ZNF131: variants seen among roughly 807,000 people sequenced by gnomAD.
ZNF131 encodes the protein zinc finger and BTB domain containing 35, also known as zinc finger protein 131.
A neutral mutation model predicts 60.0 loss-of-function variants in ZNF131; 7 were observed. The ratio of observed to expected loss-of-function variants is 0.12; its 90% CI spans 0.07 to 0.22. The LOEUF (loss-of-function observed/expected upper bound fraction) is 0.22. ZNF131 is among the 10% of genes least tolerant of loss of function. ZNF131 has a pLI of 1.00. For synonymous variants in ZNF131, 257 were observed against 253.2 expected, an observed-to-expected ratio of 1.01 and a Z score of -0.14; for missense variants, 493 against 740.9, an observed-to-expected ratio of 0.67 and a Z score of 3.88.
At chr5:43,121,358 G>A (rs182203142) in intron 1 of ZNF131, 1 of 152,976 alleles carries the variant, frequency 6.5e-6, no homozygotes, top group Non-Finnish European at 1.5e-5. Context: ...CCGCTGCCCG[G>A]TTTCTTCTCA....
At position 43,161,957 on chromosome 5, in the gene ZNF131, T is replaced by A. The variant is rs745694713; in HGVS notation, c.1054+26T>A. The A allele has an allele frequency of 5.9e-6, 9 of 1,526,880 alleles. No homozygotes were observed. In the Admixed American group the frequency reaches 9.0e-5, roughly 15 times the overall value. The allele number at this position is 1,526,880 out of a possible 1,614,324, so 94.6% of individuals were successfully genotyped here. A position where few individuals can be genotyped will look rare whatever the true frequency, so the allele number is the denominator to read the frequency against. ...GTAATGAGCAAATACTTTGTTAAAA[T>A]TTTTTTTTCCCACATGCACTTCAAA... On this transcript the variant is annotated intron_variant, in intron 5 of 6. Coordinates refer to ENST00000682664, the MANE Select transcript of ZNF131 (RefSeq NM_001330707.2).
chr5:43,156,713 C>T (rs748198670), intron 4 of ZNF131, among the ~76,000 whole-genome samples: 1 of 152,106 alleles, frequency 6.6e-6, no homozygotes, highest in Non-Finnish European at 1.5e-5. Flanking sequence ...TTTGACTTGA[C>T]TCAGGTTTGA....
rs1200012975 is a variant in ZNF131 at position 43,174,775 on chromosome 5, A to C, written c.1514A>C (p.Asp505Ala). 1 of 1,614,234 alleles carries C rather than the reference A, an allele frequency of 6.2e-7. No individual in the cohort carries two copies. Among genetic ancestry groups the C allele is most frequent in the Non-Finnish European group, 8.5e-7 (1 of 1,180,028 alleles). ...CAAGTCCATCCAGATCTGCTCCAGG[A>C]CAGCCAGGTGCACGATTCACACATG... is the stretch of plus-strand genomic sequence containing the variant. ...VEQVHPDLLQ[D>A]SQVHDSHMSE... The change falls in exon 7 of 7, where the codon GAC (aspartate) becomes GCC (alanine). Residue 505 changes from aspartate to alanine, a missense_variant. Around this residue, in one of 7 missense-constraint regions of ZNF131, gnomAD observed 202 missense variants for 221.3 expected, o/e 0.91. Transcript: ENST00000682664.
chr5:43,151,916 C>A (rs1295024724), intron 4 of ZNF131, among the ~76,000 whole-genome samples: 1 of 152,178 alleles, frequency 6.6e-6, no homozygotes, highest in Non-Finnish European at 1.5e-5. Flanking sequence ...AATGTAGTCT[C>A]CTTTCCCAGT....
chr5:43,173,246 G>A (rs940577362), intron 5 of ZNF131, 72 bp from the exon 6 acceptor site: 17 of 1,404,194 alleles, frequency 1.2e-5, no homozygotes, highest in South Asian at 3.2e-5. Context: ...AAAAGAAAAA[G>A]TAAACGTTTA....
intron 4 of ZNF131, among the ~76,000 whole-genome samples, chr5:43,147,563 G>A (rs113702444): frequency 0.18 from 27,095 of 150,694 alleles, 2,852 homozygotes; most frequent in Middle Eastern, 0.33. Context: ...GACTACAGGC[G>A]CCTGCCACCA....
chr5:43,172,981 GAAA>G (rs971416488), intron 5 of ZNF131, among the ~76,000 whole-genome samples: 10 of 152,162 alleles, frequency 6.6e-5, no homozygotes, highest in Admixed American at 6.5e-4. Flanking sequence ...ATGCAGAAAG[GAAA>G]ATGATGCAAT....
intron 5 of ZNF131, among the ~76,000 whole-genome samples, chr5:43,166,017 C>T (rs1430455779): frequency 6.6e-6 from 1 of 152,244 alleles, no homozygotes; most frequent in Non-Finnish European, 1.5e-5. Context: ...CTTCTAGCTT[C>T]TGCCCTTTCT....
rs570313526 is a variant in ZNF131, at chr5:43,130,264, C to CAAAAAAAAAAAAAAA, written c.226+6958_226+6972dup. 4.8e-4 allele frequency among the ~76,000 whole-genome samples: 33 copies of CAAAAAAAAAAAAAAA among 68,380 alleles called. 4 individuals carry two copies. Among genetic ancestry groups the CAAAAAAAAAAAAAAA allele is most frequent in the African/African-American group, 9.4e-4 (16 of 17,014 alleles). 44.9% of individuals were successfully genotyped at this position (68,380 alleles called of 152,430 possible). ...GAGCGATAGAGTAAGACTCTGTCTCCAAAAAAAAAAAAAAAAAAGAGGAAA... is the reference window on the plus strand; with the variant it reads ...GAGCGATAGAGTAAGACTCTGTCTCCAAAAAAAAAAAAAAAAAAAAAAAAAAAAAAAAAGAGGAAA... On this transcript the variant is annotated intron_variant, in intron 3 of 6. Transcript: ENST00000682664.
chr5:43,164,298 G>T (rs1466798204), intron 5 of ZNF131, among the ~76,000 whole-genome samples: 1 of 152,062 alleles, frequency 6.6e-6, no homozygotes, highest in Non-Finnish European at 1.5e-5. Context: ...GAGTGTGCGT[G>T]GATTTTGCTA....
chr5:43,167,553 G>T (rs1456190187), intron 5 of ZNF131, among the ~76,000 whole-genome samples: 1 of 152,032 alleles, frequency 6.6e-6, no homozygotes, highest in African/African-American at 2.4e-5. Flanking sequence ...TTAATGGTTT[G>T]GTTTCTTGTA....
At chr5:43,151,345 C>T (rs759092319) in intron 4 of ZNF131, among the ~76,000 whole-genome samples, 3 of 152,146 alleles carry the variant, frequency 2.0e-5, no homozygotes, top group Non-Finnish European at 4.4e-5. Flanking sequence ...TAAATGAGAC[C>T]TCCACAGTCA....
chr5:43,174,757 A>G lies in ZNF131; in HGVS notation c.1496A>G (p.His499Arg). The G allele has an allele frequency of 6.2e-7, 1 of 1,614,238 alleles. No individual in the cohort carries two copies. The highest frequency in any genetic ancestry group is 8.5e-7 in the Non-Finnish European group (1 of 1,180,046). ...GCACAAGTGACTGTGGAACAAGTCC[A>G]TCCAGATCTGCTCCAGGACAGCCAG... Reference protein sequence around the residue: ...DSAQVTVEQVHPDLLQDSQVH... With the variant: ...DSAQVTVEQVRPDLLQDSQVH... Residue 499 changes from histidine to arginine, a missense_variant, in exon 7 of 7, where the codon CAT becomes CGT. His to Arg is a conservative substitution (Grantham distance 29). Around this residue, in one of 7 missense-constraint regions of ZNF131, gnomAD observed 202 missense variants for 221.3 expected, o/e 0.91. Coordinates refer to ENST00000682664, the MANE Select transcript of ZNF131 (RefSeq NM_001330707.2).
intron 1 of ZNF131, 90 bp from the exon 2 acceptor site, chr5:43,121,949 C>G (rs981017109): frequency 2.9e-6 from 4 of 1,368,160 alleles, no homozygotes; most frequent in Admixed American, 2.7e-5. Context: ...TTTCACGTTG[C>G]TGGTTTTTTT....
chr5:43,134,718 GAGAC>G (rs1387826639), intron 3 of ZNF131, among the ~76,000 whole-genome samples: 3 of 79,034 alleles, frequency 3.8e-5, no homozygotes, highest in African/African-American at 1.4e-4. Context: ...TTTTTTTTGG[GAGAC>G]AGAGTTTCAC....
intron 1 of ZNF131, 110 bp from the exon 2 acceptor site, chr5:43,121,929 C>T (rs1381396825): frequency 1.7e-6 from 2 of 1,202,830 alleles, no homozygotes; most frequent in Admixed American, 2.8e-5. Context: ...GCTTCACCCT[C>T]CCCCCTTCTT....
At chr5:43,170,546 T>C (rs1750850712) in intron 5 of ZNF131, among the ~76,000 whole-genome samples, 1 of 152,172 alleles carries the variant, frequency 6.6e-6, no homozygotes, top group Admixed American at 6.6e-5. Flanking sequence ...CTTCTCCATA[T>C]ATTCAAGACC....
At chr5:43,125,546 C>T (rs1019182437) in intron 3 of ZNF131, among the ~76,000 whole-genome samples, 6 of 151,878 alleles carry the variant, frequency 4.0e-5, no homozygotes, top group East Asian at 3.9e-4. Context: ...TTTGGGAGGC[C>T]GAGGCAGGCA....
At chr5:43,139,063 A>C (rs774993046) in intron 3 of ZNF131, 102 bp from the exon 4 acceptor site, 79 of 1,032,366 alleles carry the variant, frequency 7.7e-5, no homozygotes, top group Non-Finnish European at 9.8e-5. Flanking sequence ...TTCAAAAATA[A>C]ATACTCAACA....
Sources: gnomAD v4.1 joint callset for allele counts (sites outside exome capture counted in the v4.1 genomes callset) on GRCh38, gnomAD v4.1.1 for gene constraint, gnomAD v4.1.1 regional missense constraint, MANE v1.5 for transcripts, NCBI Gene and HGNC (gene_info 2026-07-23, HGNC 2026-07-21) for gene names.